The following THSD7B variants were observed in gnomAD, a reference collection of about 807,000 sequenced individuals.
THSD7B encodes thrombospondin type-1 domain-containing protein 7B.
A neutral mutation model predicts 213.6 loss-of-function variants in THSD7B; 138 were observed. That is an observed-to-expected ratio of 0.65 (90% CI 0.56 to 0.74). The LOEUF (loss-of-function observed/expected upper bound fraction) is 0.74. THSD7B is among the 30% of genes least tolerant of loss of function. The pLI is 0.00. For synonymous variants in THSD7B, 742 were observed against 687.0 expected, an observed-to-expected ratio of 1.08 and a Z score of -1.25; for missense variants, 1,931 against 1,991.5, an observed-to-expected ratio of 0.97 and a Z score of 0.58.
chr2:137,259,618 C>T (rs564529050), intron 10 of THSD7B, among the ~76,000 whole-genome samples: 1 of 152,028 alleles, frequency 6.6e-6, no homozygotes, highest in African/African-American at 2.4e-5. Flanking sequence ...AAAATTTTCT[C>T]CCATTCTGTA....
At chr2:137,539,068 A>T (rs1272448800) in intron 15 of THSD7B, among the ~76,000 whole-genome samples, 1 of 151,712 alleles carries the variant, frequency 6.6e-6, no homozygotes, top group Admixed American at 6.6e-5. Flanking sequence ...ATAAATCACA[A>T]GTTCTTTACT....
intron 15 of THSD7B, among the ~76,000 whole-genome samples, chr2:137,513,894 A>G (rs1325957354): frequency 6.6e-6 from 1 of 152,226 alleles, no homozygotes; most frequent in East Asian, 1.9e-4. Context: ...TGTGCCAGAC[A>G]CACATACTTT....
intron 1 of THSD7B, among the ~76,000 whole-genome samples, chr2:136,805,329 G>A (rs759252339): frequency 6.6e-5 from 10 of 152,160 alleles, no homozygotes; most frequent in Non-Finnish European, 1.5e-4. Flanking sequence ...CAATCTGTCT[G>A]TGTTCATGTG....
At chr2:137,320,855 T>C (rs1377165106) in intron 12 of THSD7B, among the ~76,000 whole-genome samples, 2 of 152,246 alleles carry the variant, frequency 1.3e-5, no homozygotes, top group Non-Finnish European at 2.9e-5. Context: ...CCAGATCAGA[T>C]GGCATTTTTT....
At chr2:137,035,212 C>G (rs556839140) in intron 2 of THSD7B, among the ~76,000 whole-genome samples, 1 of 152,122 alleles carries the variant, frequency 6.6e-6, no homozygotes, top group African/African-American at 2.4e-5. Context: ...TCTTTGCTGT[C>G]GATGTACCTA....
rs530106586 is a variant in THSD7B at position 137,450,606 on chromosome 2, C to T, written c.2960-239C>T. On this transcript the variant is annotated intron_variant, in intron 14 of 27. Coordinates refer to ENST00000409968, the MANE Select transcript of THSD7B (RefSeq NM_001316349.2). Reference sequence around the variant, plus strand: ...TTATCAGAAACCAGGACTAACTGTGCACTTTTTCCTGTTCCTTTCATCCCA... The same window carrying T: ...TTATCAGAAACCAGGACTAACTGTGTACTTTTTCCTGTTCCTTTCATCCCA... 2.1e-4 allele frequency among the ~76,000 whole-genome samples: 32 copies of T among 152,302 alleles called. No individual in the cohort carries two copies. The South Asian group carries it at 6.4e-3, about 31-fold the overall frequency.
At chr2:137,128,340 A>G (rs1479710674) in intron 5 of THSD7B, among the ~76,000 whole-genome samples, 1 of 152,232 alleles carries the variant, frequency 6.6e-6, no homozygotes, top group Admixed American at 6.5e-5. Context: ...ACTAAGACTT[A>G]AAGAAATTGT....
chr2:136,926,891 CT>C (rs67637776), intron 2 of THSD7B, among the ~76,000 whole-genome samples: 11,247 of 152,038 alleles, frequency 0.074, 668 homozygotes, highest in African/African-American at 0.16. Flanking sequence ...ATAATTTCTC[CT>C]TGTTTTTCAA....
intron 16 of THSD7B, among the ~76,000 whole-genome samples, chr2:137,565,706 G>A (rs1057301915): frequency 6.6e-6 from 1 of 152,102 alleles, no homozygotes; most frequent in Non-Finnish European, 1.5e-5. Flanking sequence ...AGGGCTTTTT[G>A]TACTGTATCA....
intron 7 of THSD7B, among the ~76,000 whole-genome samples, chr2:137,214,193 G>T (rs1681182017): frequency 6.6e-6 from 1 of 151,932 alleles, no homozygotes. Flanking sequence ...TTCTTTCTGG[G>T]AAATAAAAGC....
chr2:137,469,754 G>A (rs1158855159), intron 15 of THSD7B, among the ~76,000 whole-genome samples: 7 of 152,150 alleles, frequency 4.6e-5, no homozygotes, highest in South Asian at 2.1e-4. Flanking sequence ...AGGTGATAAC[G>A]TTCTGCTCTA....
At chr2:137,500,719 A>G (rs1158285086) in intron 15 of THSD7B, among the ~76,000 whole-genome samples, 1 of 152,230 alleles carries the variant, frequency 6.6e-6, no homozygotes, top group Non-Finnish European at 1.5e-5. Context: ...TCTGACATCC[A>G]GTAAGCACTC....
Position 137,669,799 on chromosome 2 carries a change from G to A in THSD7B, c.4739+1938G>A, listed in dbSNP as rs150726825. On this transcript the variant is annotated intron_variant, in intron 27 of 27. Coordinates refer to ENST00000409968, the MANE Select transcript of THSD7B (RefSeq NM_001316349.2). Reference sequence around the variant, plus strand: ...AGTATTTAAAAGATTAAAAATTTACGTGTAGTAACACATACATTTTTCCTT... The same window carrying A: ...AGTATTTAAAAGATTAAAAATTTACATGTAGTAACACATACATTTTTCCTT... 4.1e-3 allele frequency among the ~76,000 whole-genome samples: 619 copies of A among 152,202 alleles called. 3 individuals are homozygous for A. The highest frequency in any genetic ancestry group is 6.3e-3 in the Non-Finnish European group (429 of 68,004).
intron 17 of THSD7B, among the ~76,000 whole-genome samples, chr2:137,580,968 T>A (rs756211144): frequency 2.0e-5 from 3 of 152,124 alleles, no homozygotes; most frequent in Non-Finnish European, 4.4e-5. Flanking sequence ...ACCTTCAACA[T>A]TGGGGATTAC....
chr2:137,300,518 G>A (rs1383871622), intron 12 of THSD7B, among the ~76,000 whole-genome samples: 1 of 152,054 alleles, frequency 6.6e-6, no homozygotes, highest in Non-Finnish European at 1.5e-5. Flanking sequence ...CTATGCAACT[G>A]TTGTGCATTA....
intron 12 of THSD7B, among the ~76,000 whole-genome samples, chr2:137,390,676 A>G (rs1233416778): frequency 6.6e-6 from 1 of 152,194 alleles, no homozygotes; most frequent in Non-Finnish European, 1.5e-5. Context: ...AGTTTGTCAT[A>G]CATGGTCTTT....
chr2:136,830,052 T>C (rs566838619), intron 1 of THSD7B, among the ~76,000 whole-genome samples: 1 of 152,232 alleles, frequency 6.6e-6, no homozygotes, highest in South Asian at 2.1e-4. Context: ...CTAGTTGTGT[T>C]GTTTTCCCAG....
intron 17 of THSD7B, among the ~76,000 whole-genome samples, chr2:137,582,635 C>T (rs1681607352): frequency 6.6e-6 from 1 of 152,016 alleles, no homozygotes; most frequent in African/African-American, 2.4e-5. Context: ...TGATGGTTTC[C>T]AGCTTCATCC....
rs142779921 is a variant in THSD7B at position 137,124,517 on chromosome 2, T to G, written c.1369+9224T>G. On this transcript the variant is annotated intron_variant, in intron 5 of 27. Coordinates refer to ENST00000409968, the MANE Select transcript of THSD7B (RefSeq NM_001316349.2). ...AAGATCTCAGTGTGCTTAGGAATAA[T>G]TAAATGACTCCTTGTGTCTTCTGGC... 2.0e-5 allele frequency among the ~76,000 whole-genome samples: 3 copies of G among 152,288 alleles called. 1 individual carries two copies. In the East Asian group the frequency reaches 5.8e-4, roughly 29 times the overall value.
Sources: allele counts gnomAD v4.1 joint callset (sites outside exome capture counted in the v4.1 genomes callset), GRCh38; gene constraint gnomAD v4.1.1; transcripts MANE v1.5; gene names NCBI Gene and HGNC (gene_info 2026-07-23, HGNC 2026-07-21).